Variants in ZNF804B observed in about 807,000 individuals in gnomAD.
ZNF804B encodes the protein zinc finger protein 804B, also known as zinc finger 804B.
In ZNF804B, 80 loss-of-function variants were observed where a neutral mutation model predicts 101.4. That is an observed-to-expected ratio of 0.79 (90% CI 0.66 to 0.95). The LOEUF (loss-of-function observed/expected upper bound fraction) is 0.95, where lower values mean the gene tolerates loss of function less well. Ranked by LOEUF, ZNF804B falls within the 40% of genes least tolerant of loss-of-function variation. The pLI, the probability that ZNF804B is intolerant of heterozygous loss-of-function variation, is 0.00. For missense variants in ZNF804B, 1,673 were observed against 1,561.9 expected (o/e 1.07, Z -1.20); for synonymous variants, 622 against 558.8 (o/e 1.11, Z -1.59).
At chr7:89,307,779 G>A (rs900770447) in intron 2 of ZNF804B, among the ~76,000 whole-genome samples, 1 of 151,922 alleles carries the variant, frequency 6.6e-6, no homozygotes, top group Non-Finnish European at 1.5e-5. Context: ...TGTTTTTATA[G>A]TTCAGAAAAT....
At chr7:89,329,625 G>A (rs572223178) in intron 3 of ZNF804B, among the ~76,000 whole-genome samples, 10 of 151,686 alleles carry the variant, frequency 6.6e-5, no homozygotes, top group South Asian at 6.2e-4. Flanking sequence ...AAATTTGACC[G>A]TCTCTTAACT....
intron 1 of ZNF804B, among the ~76,000 whole-genome samples, chr7:88,949,433 C>T (rs1793184890): frequency 1.3e-5 from 2 of 151,888 alleles, no homozygotes; most frequent in South Asian, 2.1e-4. Flanking sequence ...ACCATTATTC[C>T]AGTTCTTTGC....
At chr7:88,845,946 A>G (rs1343957924) in intron 1 of ZNF804B, among the ~76,000 whole-genome samples, 1 of 152,212 alleles carries the variant, frequency 6.6e-6, no homozygotes, top group Non-Finnish European at 1.5e-5. Flanking sequence ...AAAGAGGAAA[A>G]AAAGGAAAGA....
At chr7:88,884,253 AC>A (rs1250306241) in intron 1 of ZNF804B, among the ~76,000 whole-genome samples, 4 of 151,810 alleles carry the variant, frequency 2.6e-5, no homozygotes, top group Non-Finnish European at 5.9e-5. Context: ...TATAGGCTTT[AC>A]ATAAGTAGCC....
intron 1 of ZNF804B, among the ~76,000 whole-genome samples, chr7:88,873,751 C>G (rs958466846): frequency 2.0e-5 from 3 of 152,202 alleles, no homozygotes; most frequent in Middle Eastern, 3.4e-3. Context: ...GCTTGTTTTT[C>G]TCAGGTTTGT....
rs142207896 is a variant in ZNF804B at position 89,282,199 on chromosome 7, T to TAAAAAA, written c.250-45130_250-45125dup. Among the ~76,000 whole-genome samples the TAAAAAA allele has an allele frequency of 3.6e-4, 39 of 108,956 alleles. 1 individual carries two copies. Among genetic ancestry groups the TAAAAAA allele is most frequent in the African/African-American group, 1.3e-3 (36 of 27,352 alleles). 71.5% of individuals were successfully genotyped at this position (108,956 alleles called of 152,430 possible). On this transcript the variant is annotated intron_variant, in intron 2 of 3. Transcript: ENST00000333190. ...CTGGGCGACAGAGCGAGACTCCGTC[T>TAAAAAA]AAAAAAAAAAAAAAAAAAAATGTAA...
At chr7:88,801,213 C>T (rs1309741542) in intron 1 of ZNF804B, among the ~76,000 whole-genome samples, 1 of 151,616 alleles carries the variant, frequency 6.6e-6, no homozygotes, top group East Asian at 1.9e-4. Flanking sequence ...GGAATGGAAC[C>T]CTGGTGTGTA....
intron 1 of ZNF804B, among the ~76,000 whole-genome samples, chr7:89,193,273 G>T (rs985754945): frequency 3.4e-5 from 5 of 145,850 alleles, no homozygotes; most frequent in Admixed American, 1.4e-4. Flanking sequence ...CAAAAGCTTC[G>T]TTTTTTTTTT....
chr7:89,105,471 T>C (rs577551210), intron 1 of ZNF804B, among the ~76,000 whole-genome samples: 12 of 152,162 alleles, frequency 7.9e-5, no homozygotes, highest in Admixed American at 2.6e-4. Flanking sequence ...TTTGAGGTTT[T>C]TTATTCCCTA....
intron 1 of ZNF804B, among the ~76,000 whole-genome samples, chr7:89,013,060 C>T (rs1272785420): frequency 6.6e-6 from 1 of 152,102 alleles, no homozygotes; most frequent in Non-Finnish European, 1.5e-5. Context: ...GAGACTCACT[C>T]ATCATCATGA....
intron 1 of ZNF804B, among the ~76,000 whole-genome samples, chr7:88,855,507 C>T (rs930648619): frequency 1.2e-4 from 18 of 152,092 alleles, no homozygotes; most frequent in Admixed American, 4.6e-4. Context: ...GATATTAGCC[C>T]TTTGTCAGAT....
At chr7:89,276,271 G>A (rs894972909) in intron 2 of ZNF804B, among the ~76,000 whole-genome samples, 12 of 151,880 alleles carry the variant, frequency 7.9e-5, no homozygotes, top group African/African-American at 2.4e-4. Flanking sequence ...ACCATGGCAC[G>A]TGGTTACCTA....
At chr7:88,826,284 A>G (rs1200715998) in intron 1 of ZNF804B, among the ~76,000 whole-genome samples, 3 of 152,160 alleles carry the variant, frequency 2.0e-5, no homozygotes, top group Non-Finnish European at 4.4e-5. Context: ...AACTCACATA[A>G]TATATCCTAC....
intron 2 of ZNF804B, among the ~76,000 whole-genome samples, chr7:89,237,044 TTG>T (rs1168287846): frequency 6.6e-6 from 1 of 152,094 alleles, no homozygotes; most frequent in Non-Finnish European, 1.5e-5. Context: ...TAATGTCACA[TTG>T]TGTTTCTTAG....
At chr7:88,780,616 G>T (rs1790211469) in intron 1 of ZNF804B, among the ~76,000 whole-genome samples, 1 of 151,670 alleles carries the variant, frequency 6.6e-6, no homozygotes, top group Non-Finnish European at 1.5e-5. Flanking sequence ...CAAACACCTG[G>T]GCTCAAGCGA....
Position 88,877,016 on chromosome 7 carries a change from A to ATATATAATATATATATATATAT in ZNF804B, c.108+116938_108+116939insATATATATATATATATTATATA, listed in dbSNP as rs1562820345. On this transcript the variant is annotated intron_variant, in intron 1 of 3. Coordinates refer to ENST00000333190, the MANE Select transcript of ZNF804B (RefSeq NM_181646.5). ...AATATTTGAAAAAAAAAATATATAT[A>ATATATAATATATATATATATAT]TATATATATAATATATATATATATA... Among the ~76,000 whole-genome samples the ATATATAATATATATATATATAT allele has an allele frequency of 2.4e-3, 200 of 83,458 alleles. 10 individuals carry two copies. Among genetic ancestry groups the ATATATAATATATATATATATAT allele is most frequent in the African/African-American group, 0.014 (195 of 13,632 alleles). The allele number at this position is 83,458 out of a possible 152,430, so 54.8% of individuals were successfully genotyped here.
chr7:89,142,158 C>G (rs567953301), intron 1 of ZNF804B, among the ~76,000 whole-genome samples: 282 of 151,808 alleles, frequency 1.9e-3, no homozygotes, highest in Non-Finnish European at 3.2e-3. Flanking sequence ...GATTTCCCAT[C>G]AAAACTCTTG....
chr7:88,760,736 T>G (rs894731102), intron 1 of ZNF804B, among the ~76,000 whole-genome samples: 3 of 151,652 alleles, frequency 2.0e-5, no homozygotes, highest in African/African-American at 4.8e-5. Flanking sequence ...TACTATTCAG[T>G]TTATTCACAT....
chr7:89,280,618 T>A (rs1584102075), intron 2 of ZNF804B, among the ~76,000 whole-genome samples: 1 of 152,246 alleles, frequency 6.6e-6, no homozygotes, highest in East Asian at 1.9e-4. Context: ...CAGATAATTC[T>A]ACAAACACCT....
Sources: allele counts gnomAD v4.1 joint callset (sites outside exome capture counted in the v4.1 genomes callset), GRCh38; gene constraint gnomAD v4.1.1; transcripts MANE v1.5; gene names NCBI Gene and HGNC (gene_info 2026-07-23, HGNC 2026-07-21).